The following TUBAL3 variants were observed in gnomAD, a reference collection of about 807,000 sequenced individuals.
The protein encoded by TUBAL3 is tubulin alpha chain-like 3.
A neutral mutation model predicts 15.5 loss-of-function variants in TUBAL3; 16 were observed. The ratio of observed to expected loss-of-function variants is 1.04; its 90% CI spans 0.70 to 1.57. The LOEUF (loss-of-function observed/expected upper bound fraction) is 1.57. TUBAL3 is among the 40% of genes most tolerant of loss of function. The pLI, the probability that TUBAL3 is intolerant of heterozygous loss-of-function variation, is 0.00. For synonymous variants in TUBAL3, 238 were observed against 224.3 expected (o/e 1.06, Z -0.55); for missense variants, 609 against 576.2 (o/e 1.06, Z -0.58).
Position 5,401,036 on chromosome 10 carries a change from C to A in TUBAL3, c.55G>T (p.Ala19Ser), listed in dbSNP as rs782687182. The change falls in exon 2 of 4, where the codon GCC (alanine) becomes TCC (serine). Residue 19 changes from alanine (A) to serine (S), a missense_variant. By Grantham distance (99) the Ala-to-Ser change is moderately conservative. Coordinates refer to ENST00000380419, the MANE Select transcript of TUBAL3 (RefSeq NM_024803.3). ...TCCAGGCAATAGAGTTCCCAGCAGG[C>A]GTCCCCAATCTGGATGCCAGCTTGA... is the stretch of plus-strand genomic sequence containing the variant. ...IGQAGIQIGD[A>S]CWELYCLEHG... 6.2e-7 allele frequency: 1 copy of A among 1,614,158 alleles called. No individual in the cohort carries two copies.
At chr10:5,404,259 G>A (rs906108577) in intron 1 of TUBAL3, among the ~76,000 whole-genome samples, 6 of 152,172 alleles carry the variant, frequency 3.9e-5, no homozygotes, top group Admixed American at 2.0e-4. Context: ...AAGGGCAAAT[G>A]GATCTGAAAA....
chr10:5,393,916 A>G lies in TUBAL3; in HGVS notation c.942T>C (p.Pro314=), dbSNP rs113581631. 2.5e-6 allele frequency: 4 copies of G among 1,614,236 alleles called. No individual in the cohort carries two copies. In the African/African-American group the frequency reaches 4.0e-5, roughly 16 times the overall value. The change falls in exon 4 of 4, where the codon CCT becomes CCC. Residue 314 remains proline (P), a synonymous_variant. Transcript: ENST00000380419. ...AGCAGGCCATGTACTTCCCAAGCCG[A>G]GGATCACACTTGACCAGCTGGTTGG... The part of the protein sequence containing the change: ...ESSNQLVKCD[P]RLGKYMACCL...
At chr10:5,401,656 A>G (rs1831852684) in intron 1 of TUBAL3, among the ~76,000 whole-genome samples, 2 of 152,170 alleles carry the variant, frequency 1.3e-5, no homozygotes, top group Admixed American at 6.5e-5. Context: ...AAATTTTACA[A>G]GGCAAAATGC....
rs1277340328 is a variant in TUBAL3 at position 5,395,845 on chromosome 10, C to G, written c.248-370G>C. Among the ~76,000 whole-genome samples the G allele has an allele frequency of 6.6e-6, 1 of 152,138 alleles. No homozygotes were observed. Among genetic ancestry groups the G allele is most frequent in the Non-Finnish European group, 1.5e-5 (1 of 68,024 alleles). On this transcript the variant is annotated intron_variant, in intron 2 of 3. Transcript: ENST00000380419. This position sits in a 1 kb window ranked among gnomAD's most constrained non-coding sequence, Gnocchi z 4.6. ...GGTTCCTGCTGGAGGCCCCAGGGAGCGTCTGGTCCAAACATCTCTCCTGGC... is the reference window on the plus strand; with the variant it reads ...GGTTCCTGCTGGAGGCCCCAGGGAGGGTCTGGTCCAAACATCTCTCCTGGC...
Position 5,394,417 on chromosome 10 carries a change from G to A in TUBAL3, c.441C>T (p.Ser147=), listed in dbSNP as rs782131174. 5 of 1,612,648 alleles carry A rather than the reference G, an allele frequency of 3.1e-6. No individual in the cohort carries two copies. Among genetic ancestry groups the A allele is most frequent in the Non-Finnish European group, 4.2e-6 (5 of 1,179,520 alleles). The change falls in exon 4 of 4, where the codon AGC becomes AGT. Residue 147 remains serine, a synonymous_variant. Transcript: ENST00000380419. The surrounding 1 kb of genome is among the most constrained non-coding windows in gnomAD (Gnocchi z 4.3). ...ACCCTGAACCAGTGCCTCCTCCAAA[G>A]CTTCGGAAAATCAAAAATCCCTGAA... ...GGLQGFLIFR[S]FGGGTGSGFT... is the part of the protein sequence containing the mutation.
At chr10:5,400,742 T>C in intron 2 of TUBAL3, 102 bp downstream of exon 2, 3 of 1,450,472 alleles carry the variant, frequency 2.1e-6, no homozygotes, top group Non-Finnish European at 2.8e-6. Context: ...AAGGTCCATG[T>C]GATTCCATTC....
rs1831773895 is a variant in TUBAL3, at chr10:5,396,916, G to T, written c.248-1441C>A. Among the ~76,000 whole-genome samples, 1 of 152,150 alleles carries T rather than the reference G, an allele frequency of 6.6e-6. No individual in the cohort carries two copies. The highest frequency in any genetic ancestry group is 2.4e-5 in the African/African-American group (1 of 41,440). On this transcript the variant is annotated intron_variant, in intron 2 of 3. Transcript: ENST00000380419. This position sits in a 1 kb window ranked among gnomAD's most constrained non-coding sequence, Gnocchi z 5.1. Reference sequence around the variant, plus strand: ...AATCAGTTTCCTGGGTTCCTATCTTGCCTTCCTCACTAAGCTAGAGAGAAG... The same window carrying T: ...AATCAGTTTCCTGGGTTCCTATCTTTCCTTCCTCACTAAGCTAGAGAGAAG...
At chr10:5,403,778 C>T (rs1035936847) in intron 1 of TUBAL3, among the ~76,000 whole-genome samples, 1 of 152,146 alleles carries the variant, frequency 6.6e-6, no homozygotes, top group Non-Finnish European at 1.5e-5. Context: ...ATATTAGTCA[C>T]ACTATAAAGT....
rs540507623 is a variant in TUBAL3, at chr10:5,401,171, A to G, written c.4-84T>C. On this transcript the variant is annotated intron_variant, in intron 1 of 3. Transcript: ENST00000380419. ...TACTCAGCCCTTCTGGTTACAAATGACAGAAACCAAGCTAGCTTAAGGCCA... is the reference window on the plus strand; with the variant it reads ...TACTCAGCCCTTCTGGTTACAAATGGCAGAAACCAAGCTAGCTTAAGGCCA... 1.4e-5 allele frequency: 21 copies of G among 1,543,874 alleles called. 1 individual carries two copies. In the South Asian group the frequency reaches 2.4e-4, roughly 18 times the overall value.
rs1167811618 is a variant in TUBAL3 at position 5,396,717 on chromosome 10, C to G, written c.248-1242G>C. Among the ~76,000 whole-genome samples the G allele has an allele frequency of 1.3e-5, 2 of 152,208 alleles. No individual in the cohort carries two copies. Among genetic ancestry groups the G allele is most frequent in the African/African-American group, 2.4e-5 (1 of 41,440 alleles). On this transcript the variant is annotated intron_variant, in intron 2 of 3. Coordinates refer to ENST00000380419, the MANE Select transcript of TUBAL3 (RefSeq NM_024803.3). This position sits in a 1 kb window ranked among gnomAD's most constrained non-coding sequence, Gnocchi z 5.1. ...ACTGAGGGTAGCCCCTGCCAGGTCT[C>G]ATTGCCTTTTAAAAACCTGGGCAGC...
In TUBAL3 at chr10:5,394,343, G is replaced by C. The variant is rs553902814; in HGVS notation, c.515C>G (p.Thr172Ser). 3 of 1,614,172 alleles carry C rather than the reference G, an allele frequency of 1.9e-6. No individual in the cohort carries two copies. Among genetic ancestry groups the C allele is most frequent in the African/African-American group, 1.3e-5 (1 of 75,038 alleles). ...TGGGTAGACCGAGAACTCCAGCTTA[G>C]TCTTTCTGCTATATTCTCCTGTGAG... ...ERLTGEYSRKTKLEFSVYPAP... is the reference protein window; with the variant it reads ...ERLTGEYSRKSKLEFSVYPAP... Residue 172 changes from threonine (T) to serine (S), a missense_variant, in exon 4 of 4, where the codon ACT becomes AGT. Physicochemically the swap from Thr to Ser is moderately conservative, Grantham distance 58. Transcript: ENST00000380419. The surrounding 1 kb of genome is among the most constrained non-coding windows in gnomAD (Gnocchi z 4.3).
chr10:5,404,229 A>T (rs1831899064), intron 1 of TUBAL3, among the ~76,000 whole-genome samples: 1 of 152,198 alleles, frequency 6.6e-6, no homozygotes, highest in African/African-American at 2.4e-5. Context: ...GATACTGAAA[A>T]ACTGGCACAG....
Position 5,395,557 on chromosome 10 carries a change from C to T in TUBAL3, c.248-82G>A, listed in dbSNP as rs1831752066. On this transcript the variant is annotated intron_variant, in intron 2 of 3. Coordinates refer to ENST00000380419, the MANE Select transcript of TUBAL3 (RefSeq NM_024803.3). The surrounding 1 kb of genome is among the most constrained non-coding windows in gnomAD (Gnocchi z 4.6). ...CTGCTGCTAGTCCTCCTGGAGCCTCCCCGTACTTGACTCCCATGCTTTCTC... is the reference window on the plus strand; with the variant it reads ...CTGCTGCTAGTCCTCCTGGAGCCTCTCCGTACTTGACTCCCATGCTTTCTC... The T allele has an allele frequency of 7.6e-7, 1 of 1,320,656 alleles. No individual in the cohort carries two copies. The highest frequency in any genetic ancestry group is 9.9e-7 in the Non-Finnish European group (1 of 1,011,584). 81.8% of individuals were successfully genotyped at this position (1,320,656 alleles called of 1,614,324 possible).
chr10:5,401,400 A>G (rs1831849316), intron 1 of TUBAL3, among the ~76,000 whole-genome samples: 1 of 151,144 alleles, frequency 6.6e-6, no homozygotes, highest in Admixed American at 6.6e-5. Context: ...AATACAACTA[A>G]TTTTACTTTA....
Position 5,393,422 on chromosome 10 carries a change from T to G in TUBAL3, c.*95A>C. The G allele has an allele frequency of 8.9e-7, 1 of 1,118,906 alleles. No homozygotes were observed. The highest frequency in any genetic ancestry group is 1.3e-6 in the Non-Finnish European group (1 of 793,928). 69.3% of individuals were successfully genotyped at this position (1,118,906 alleles called of 1,614,324 possible). Reference sequence around the variant, plus strand: ...CTTGCCTGATTTGAGTTCATTTTTCTGCTCATCAGGGGAACTACCCACTAG... The same window carrying G: ...CTTGCCTGATTTGAGTTCATTTTTCGGCTCATCAGGGGAACTACCCACTAG... On this transcript the variant is annotated 3_prime_UTR_variant, in exon 4 of 4. Coordinates refer to ENST00000380419, the MANE Select transcript of TUBAL3 (RefSeq NM_024803.3).
rs1470633877 is a variant in TUBAL3 at position 5,395,188 on chromosome 10, C to T, written c.396+139G>A. 15 of 891,282 alleles carry T rather than the reference C, an allele frequency of 1.7e-5. No homozygotes were observed. Among genetic ancestry groups the T allele is most frequent in the Middle Eastern group, 3.8e-4 (1 of 2,664 alleles). The allele number at this position is 891,282 out of a possible 1,614,324, so 55.2% of individuals were successfully genotyped here. On this transcript the variant is annotated intron_variant, in intron 3 of 3. Coordinates refer to ENST00000380419, the MANE Select transcript of TUBAL3 (RefSeq NM_024803.3). The surrounding 1 kb of genome is among the most constrained non-coding windows in gnomAD (Gnocchi z 4.6). ...CAAAGCCAAGATGAGAACCCCTCCC[C>T]AGTTCTGAGCACCCAGACCAGAGCC... is the stretch of plus-strand genomic sequence containing the variant.
Position 5,393,995 on chromosome 10 carries a change from G to T in TUBAL3, c.863C>A (p.Ala288Asp). ...TGACACAGAGAACTGCTCATGGTAG[G>T]CTTTGTCAGCAGAGACGATGGGGGC... is the stretch of plus-strand genomic sequence containing the variant. The part of the protein sequence containing the change: ...AFAPIVSADK[A>D]YHEQFSVSDI... The change falls in exon 4 of 4, where the codon GCC (alanine) becomes GAC (aspartate). Residue 288 changes from alanine (A) to aspartate (D), a missense_variant. By Grantham distance (126) the Ala-to-Asp change is moderately radical. Coordinates refer to ENST00000380419, the MANE Select transcript of TUBAL3 (RefSeq NM_024803.3). 4 of 1,614,182 alleles carry T rather than the reference G, an allele frequency of 2.5e-6. No individual in the cohort carries two copies. Among genetic ancestry groups the T allele is most frequent in the Non-Finnish European group, 2.5e-6 (3 of 1,180,034 alleles).
chr10:5,395,484 G>C lies in TUBAL3; in HGVS notation c.248-9C>G. The C allele has an allele frequency of 6.7e-7, 1 of 1,497,548 alleles. No homozygotes were observed. Among genetic ancestry groups the C allele is most frequent in the Non-Finnish European group, 9.0e-7 (1 of 1,111,332 alleles). The allele number at this position is 1,497,548 out of a possible 1,614,324, so 92.8% of individuals were successfully genotyped here. A position where few individuals can be genotyped will look rare whatever the true frequency, so the allele number is the denominator to read the frequency against. ...GCCCGTCCGGATCCCATCTGCAGAG[G>C]GTGAAAGGAGGTCAGTGCAACTCAC... On this transcript the variant is annotated splice_polypyrimidine_tract_variant and intron_variant, in intron 2 of 3. Coordinates refer to ENST00000380419, the MANE Select transcript of TUBAL3 (RefSeq NM_024803.3). This position sits in a 1 kb window ranked among gnomAD's most constrained non-coding sequence, Gnocchi z 4.6.
rs782339556 is a variant in TUBAL3, at chr10:5,394,266, T to A, written c.592A>T (p.Thr198Ser). 4 of 1,614,034 alleles carry A rather than the reference T, an allele frequency of 2.5e-6. No individual in the cohort carries two copies. The East Asian group carries it at 8.9e-5, about 36-fold the overall frequency. The stretch of plus-strand genomic sequence containing the variant: ...TCCGTGTGCTCTGTGGTGGAGTGGG[T>A]GGTGAGGACAGAGTTATAAGGCTCT... ...VVEPYNSVLT[T>S]HSTTEHTDCT... Residue 198 changes from threonine to serine, a missense_variant, in exon 4 of 4, where the codon ACC (threonine) becomes TCC (serine). Thr to Ser is a moderately conservative substitution (Grantham distance 58). Coordinates refer to ENST00000380419, the MANE Select transcript of TUBAL3 (RefSeq NM_024803.3). The surrounding 1 kb of genome is among the most constrained non-coding windows in gnomAD (Gnocchi z 4.3).
Sources: gnomAD v4.1 joint callset for allele counts (sites outside exome capture counted in the v4.1 genomes callset) on GRCh38, gnomAD v4.1.1 for gene constraint, Gnocchi (gnomAD v3.1) non-coding constraint, MANE v1.5 for transcripts, NCBI Gene and HGNC (gene_info 2026-07-23, HGNC 2026-07-21) for gene names.